The following RPL7L1 variants were observed in gnomAD, a reference collection of about 807,000 sequenced individuals.
RPL7L1 encodes ribosomal protein uL30-like.
Under a neutral mutation model 30.3 loss-of-function variants are expected in RPL7L1, and 20 were observed. The observed-to-expected ratio is 0.66, with a 90% confidence interval of 0.46 to 0.96. RPL7L1 has a LOEUF of 0.96. Ranked by LOEUF, RPL7L1 falls within the 40% of genes least tolerant of loss-of-function variation. The pLI is 0.00. For synonymous variants in RPL7L1, 107 were observed against 110.1 expected (o/e 0.97, Z 0.18); for missense variants, 271 against 314.9 (o/e 0.86, Z 1.05).
intron 1 of RPL7L1, 43 bp downstream of exon 1, chr6:42,879,994 T>G (rs891556559): frequency 5.0e-6 from 8 of 1,591,750 alleles, no homozygotes; most frequent in Non-Finnish European, 6.0e-6. Context: ...GGGTCTTGAG[T>G]ATCCGGTGCC....
intron 3 of RPL7L1, chr6:42,883,941 G>GGT (rs1490109072): frequency 6.0e-6 from 1 of 167,312 alleles, no homozygotes; most frequent in East Asian, 1.7e-4. Flanking sequence ...GAAGTCCTGA[G>GGT]GTAGGGAAAG....
At position 42,888,903 on chromosome 6, in the gene RPL7L1, G is replaced by A. The variant is rs1766376865; in HGVS notation, c.*2439G>A. ...TTTTAATCCTGAAAACAGTGAGTCT[G>A]ATACTGCTTGTGTTTTTCATCAGTG... On this transcript the variant is annotated 3_prime_UTR_variant, in exon 6 of 6. Transcript: ENST00000493763. The A allele has an allele frequency of 6.6e-6, 1 of 152,194 alleles. No individual in the cohort carries two copies. The highest frequency in any genetic ancestry group is 1.5e-5 in the Non-Finnish European group (1 of 68,048). The allele number at this position is 152,194 out of a possible 1,614,324, so 9.4% of individuals were successfully genotyped here.
Position 42,886,675 on chromosome 6 carries a change from T to C in RPL7L1, c.*211T>C, listed in dbSNP as rs927034499. ...GGGGCTATGCATAGCCTAAGAGTTA[T>C]AGGCTTAAAGATGTCGAGTAACTAA... On this transcript the variant is annotated 3_prime_UTR_variant, in exon 6 of 6. Coordinates refer to ENST00000493763, the MANE Select transcript of RPL7L1 (RefSeq NM_001366481.3). The C allele has an allele frequency of 4.8e-5, 26 of 546,410 alleles. No homozygotes were observed. The highest frequency in any genetic ancestry group is 1.9e-4 in the East Asian group (6 of 31,904). The allele number at this position is 546,410 out of a possible 1,614,324, so 33.8% of individuals were successfully genotyped here.
At chr6:42,881,415 A>T (rs1187963592) in intron 2 of RPL7L1, 1 of 153,150 alleles carries the variant, frequency 6.5e-6, no homozygotes, top group Non-Finnish European at 1.5e-5. Flanking sequence ...CAGTGAGCCA[A>T]GTTCGTGCCA....
intron 2 of RPL7L1, 41 bp downstream of exon 2, chr6:42,881,007 T>C: frequency 9.3e-7 from 1 of 1,077,918 alleles, no homozygotes; most frequent in Non-Finnish European, 1.4e-6. Context: ...AGAATTTTTA[T>C]TTGGTGAGTT....
At position 42,886,674 on chromosome 6, in the gene RPL7L1, A is replaced by G. The variant is rs1766280770; in HGVS notation, c.*210A>G. 5.5e-6 allele frequency: 3 copies of G among 547,428 alleles called. No individual in the cohort carries two copies. The highest frequency in any genetic ancestry group is 9.8e-6 in the Non-Finnish European group (3 of 305,260). The allele number at this position is 547,428 out of a possible 1,614,324, so 33.9% of individuals were successfully genotyped here. ...TGGGGCTATGCATAGCCTAAGAGTTATAGGCTTAAAGATGTCGAGTAACTA... is the reference window on the plus strand; with the variant it reads ...TGGGGCTATGCATAGCCTAAGAGTTGTAGGCTTAAAGATGTCGAGTAACTA... On this transcript the variant is annotated 3_prime_UTR_variant, in exon 6 of 6. Coordinates refer to ENST00000493763, the MANE Select transcript of RPL7L1 (RefSeq NM_001366481.3).
At chr6:42,886,151 T>C (rs777522032) in intron 5 of RPL7L1, 68 bp downstream of exon 5, 2 of 1,375,814 alleles carry the variant, frequency 1.5e-6, no homozygotes, top group Admixed American at 3.4e-5. Flanking sequence ...GATGTGAGAT[T>C]CAGGTTGTAT....
At chr6:42,883,203 T>C (rs1438136048) in intron 2 of RPL7L1, 1 of 311,816 alleles carries the variant, frequency 3.2e-6, no homozygotes, top group Non-Finnish European at 5.9e-6. Context: ...AACTTGTTAG[T>C]AAACACTGAT....
chr6:42,887,525 G>C lies in RPL7L1; in HGVS notation c.*1061G>C, dbSNP rs886874801. The C allele has an allele frequency of 5.3e-5, 8 of 152,106 alleles. No homozygotes were observed. Among genetic ancestry groups the C allele is most frequent in the African/African-American group, 1.9e-4 (8 of 41,402 alleles). The allele number at this position is 152,106 out of a possible 1,614,324, so 9.4% of individuals were successfully genotyped here. On this transcript the variant is annotated 3_prime_UTR_variant, in exon 6 of 6. Transcript: ENST00000493763. ...TTGAACCTGGGAGGTGGAAGTTGCA[G>C]TGAGCTGAGATCACGCCATTGCACT...
intron 3 of RPL7L1, 91 bp from the exon 4 acceptor site, chr6:42,884,522 A>T (rs1258000205): frequency 8.5e-7 from 1 of 1,172,560 alleles, no homozygotes; most frequent in East Asian, 2.4e-5. Context: ...CTTATTCCAG[A>T]TTACCCAGTG....
chr6:42,880,873 C>T lies in RPL7L1; in HGVS notation c.54C>T (p.Ile18=). Residue 18 remains isoleucine (I), a synonymous_variant, in exon 2 of 6, where the codon ATC becomes ATT. Transcript: ENST00000493763. ...RKMAEQEQRK[I]PLVPENLLKK... is the part of the protein sequence containing the mutation. ...TTTTCTGCATCAGGCAAAGAAAAATCCCTTTGGTTCCAGAAAATCTCCTGA... is the reference window on the plus strand; with the variant it reads ...TTTTCTGCATCAGGCAAAGAAAAATTCCTTTGGTTCCAGAAAATCTCCTGA... 6.3e-7 allele frequency: 1 copy of T among 1,592,432 alleles called. No individual in the cohort carries two copies. The highest frequency in any genetic ancestry group is 8.6e-7 in the Non-Finnish European group (1 of 1,161,446).
chr6:42,883,646 G>T (rs1161417440), intron 3 of RPL7L1, 32 bp downstream of exon 3: 1 of 1,539,316 alleles, frequency 6.5e-7, no homozygotes, highest in African/African-American at 1.4e-5. Flanking sequence ...AATTGCATGA[G>T]GCTGGGGCAA....
intron 1 of RPL7L1, among the ~76,000 whole-genome samples, chr6:42,880,368 T>C (rs1056817173): frequency 2.6e-5 from 4 of 152,154 alleles, no homozygotes; most frequent in Non-Finnish European, 4.4e-5. Context: ...GATGAGTGAC[T>C]ATTAGGGATG....
chr6:42,883,605 G>A lies in RPL7L1; in HGVS notation c.302G>A (p.Arg101His), dbSNP rs369318268. 1.1e-5 allele frequency: 17 copies of A among 1,590,178 alleles called. No individual in the cohort carries two copies. The highest frequency in any genetic ancestry group is 1.7e-4 in the Middle Eastern group (1 of 5,986). Residue 101 changes from arginine to histidine, a missense_variant, in exon 3 of 6, where the codon CGC (arginine) becomes CAC (histidine). By Grantham distance (29) the Arg-to-His change is conservative. Coordinates refer to ENST00000493763, the MANE Select transcript of RPL7L1 (RefSeq NM_001366481.3). ...AAACATTCCTTGGCCTTTGTTGTAC[G>A]CATCGAAAGGTAAGGAACTGGTGTC... ...PDKHSLAFVVRIERIDGVSLL... is the reference protein window; with the variant it reads ...PDKHSLAFVVHIERIDGVSLL...
rs1366216165 is a variant in RPL7L1 at position 42,880,917 on chromosome 6, A to G, written c.98A>G (p.Gln33Arg). 7 of 1,609,168 alleles carry G rather than the reference A, an allele frequency of 4.4e-6. No individual in the cohort carries two copies. The highest frequency in any genetic ancestry group is 6.0e-6 in the Non-Finnish European group (7 of 1,175,782). Residue 33 changes from glutamine to arginine, a missense_variant, in exon 2 of 6, where the codon CAA becomes CGA. Transcript: ENST00000493763. ...CTCCTGAAAAAGAGGAAGGCTTATCAAGCCCTCAAAGCCACCCAGGCAAAG... is the reference window on the plus strand; with the variant it reads ...CTCCTGAAAAAGAGGAAGGCTTATCGAGCCCTCAAAGCCACCCAGGCAAAG... ...ENLLKKRKAY[Q>R]ALKATQAKQA...
At chr6:42,880,206 C>T (rs1766019470) in intron 1 of RPL7L1, among the ~76,000 whole-genome samples, 1 of 152,114 alleles carries the variant, frequency 6.6e-6, no homozygotes, top group African/African-American at 2.4e-5. Flanking sequence ...TCACCCAGCC[C>T]GACAAGTGTT....
At chr6:42,886,185 G>C in intron 5 of RPL7L1, 71 bp from the exon 6 acceptor site, 3 of 1,454,804 alleles carry the variant, frequency 2.1e-6, no homozygotes, top group Non-Finnish European at 2.9e-6. Flanking sequence ...CCAAGAGTCT[G>C]CCAGAGTGGC....
chr6:42,879,746 C>T lies in RPL7L1; in HGVS notation c.-165C>T, dbSNP rs552871852. 19 of 673,318 alleles carry T rather than the reference C, an allele frequency of 2.8e-5. No homozygotes were observed. In the African/African-American group the frequency reaches 3.4e-4, roughly 12 times the overall value. The allele number at this position is 673,318 out of a possible 1,614,324, so 41.7% of individuals were successfully genotyped here. On this transcript the variant is annotated 5_prime_UTR_variant, in exon 1 of 6. Coordinates refer to ENST00000493763, the MANE Select transcript of RPL7L1 (RefSeq NM_001366481.3). ...GAAAATAACACAGGCTCTAAAAACC[C>T]TAAGAAGCGGTGCAACTTTTGGCAG...
rs1031212081 is a variant in RPL7L1 at position 42,883,730 on chromosome 6, A to G, written c.311+116A>G. 9 of 787,156 alleles carry G rather than the reference A, an allele frequency of 1.1e-5. No homozygotes were observed. The African/African-American group carries it at 1.2e-4, about 11-fold the overall frequency. 48.8% of individuals were successfully genotyped at this position (787,156 alleles called of 1,614,324 possible). A position where few individuals can be genotyped will look rare whatever the true frequency, so the allele number is the denominator to read the frequency against. On this transcript the variant is annotated intron_variant, in intron 3 of 5. Transcript: ENST00000493763. Reference sequence around the variant, plus strand: ...AGCCACTCAGGCAAATTGTGCTAGGATGTCAGGGTTGAGCACAATTTAGTC... The same window carrying G: ...AGCCACTCAGGCAAATTGTGCTAGGGTGTCAGGGTTGAGCACAATTTAGTC...
Sources: allele counts gnomAD v4.1 joint callset (sites outside exome capture counted in the v4.1 genomes callset), GRCh38; gene constraint gnomAD v4.1.1; transcripts MANE v1.5; gene names NCBI Gene and HGNC (gene_info 2026-07-23, HGNC 2026-07-21).